Variants in PBRM1 observed in about 807,000 individuals in gnomAD.
PBRM1 encodes the protein polybromo 1, also known as protein polybromo-1.
Under a neutral mutation model 194.5 loss-of-function variants are expected in PBRM1, and 27 were observed. The ratio of observed to expected loss-of-function variants is 0.14; its 90% CI spans 0.10 to 0.19. The LOEUF is 0.19. Among genes scored for constraint, PBRM1 ranks in the 10% least tolerant of loss-of-function variants. The probability of loss-of-function intolerance (pLI) is 1.00; values close to 1 mark genes in which losing one functional copy is unlikely to be tolerated. For synonymous variants in PBRM1, 655 were observed against 693.2 expected (o/e 0.94, Z 0.87); for missense variants, 1,466 against 2,077.2 (o/e 0.71, Z 5.72).
rs574179154 is a variant in PBRM1 at position 52,638,264 on chromosome 3, C to T, written c.1088-3449G>A. Among the ~76,000 whole-genome samples the T allele has an allele frequency of 5.3e-5, 8 of 152,136 alleles. No individual in the cohort carries two copies. In the South Asian group the frequency reaches 1.0e-3, roughly 20 times the overall value. On this transcript the variant is annotated intron_variant, in intron 10 of 29. Transcript: ENST00000296302. The stretch of plus-strand genomic sequence containing the variant: ...TATGTTAGATTCACAGAATGAACTG[C>T]GGAGCTCTTTTTCTATTCTCTGCAT...
At chr3:52,558,064 C>T (rs2082594223) in intron 26 of PBRM1, among the ~76,000 whole-genome samples, 185 bp downstream of exon 28, 3 of 152,174 alleles carry the variant, frequency 2.0e-5, no homozygotes, top group Non-Finnish European at 4.4e-5. Context: ...GCCCAGGGCC[C>T]ATTTCTGGGG....
At chr3:52,684,572 T>G (rs1266523339), upstream of PBRM1, among the ~76,000 whole-genome samples, 1 of 152,252 alleles carries the variant, frequency 6.6e-6, no homozygotes, top group Non-Finnish European at 1.5e-5. Flanking sequence ...TTGGTATTTA[T>G]GCCTTAGTTA....
chr3:52,641,870 T>G (rs1197747917), intron 10 of PBRM1, 84 bp downstream of exon 11: 3 of 867,308 alleles, frequency 3.5e-6, no homozygotes, highest in Non-Finnish European at 6.0e-6. Flanking sequence ...CAGCAAACCC[T>G]AGGCCAGAAA....
At chr3:52,667,153 T>A (rs1321020228) in intron 3 of PBRM1, among the ~76,000 whole-genome samples, 1 of 151,904 alleles carries the variant, frequency 6.6e-6, no homozygotes, top group Non-Finnish European at 1.5e-5. Context: ...AAGACAAAAA[T>A]CAATCCTAGC....
chr3:52,563,455 A>G (rs1416373254), exon 24 of PBRM1: 1 of 1,614,126 alleles, frequency 6.2e-7, no homozygotes, highest in Non-Finnish European at 8.5e-7. Flanking sequence ...CTTCTTTTCC[A>G]GCAAAGGTGA....
rs149032308 is a variant in PBRM1 at position 52,676,361 on chromosome 3, T to C, written c.236+2139A>G. On this transcript the variant is annotated intron_variant, in intron 2 of 29. Transcript: ENST00000296302. ...GACCCAGAGGGAGGTAACTGAATCA[T>C]GGAGGCCAGTCTTTCCCGTGCTATT... Among the ~76,000 whole-genome samples, 624 of 152,274 alleles carry C rather than the reference T, an allele frequency of 4.1e-3. 3 individuals are homozygous for C. Among genetic ancestry groups the C allele is most frequent in the Admixed American group, 7.1e-3 (108 of 15,288 alleles).
At chr3:52,595,173 C>T (rs1170401165) in intron 17 of PBRM1, among the ~76,000 whole-genome samples, 1 of 151,920 alleles carries the variant, frequency 6.6e-6, no homozygotes, top group Non-Finnish European at 1.5e-5. Flanking sequence ...TTCCTTCAAT[C>T]TTTAAAGTTG....
chr3:52,592,132 T>G (rs906608601), intron 17 of PBRM1, among the ~76,000 whole-genome samples: 1 of 149,174 alleles, frequency 6.7e-6, no homozygotes, highest in African/African-American at 2.5e-5. Context: ...GTTTTTTTTT[T>G]TTTTTTTTTT....
intron 16 of PBRM1, among the ~76,000 whole-genome samples, chr3:52,608,016 T>C (rs139549810): frequency 6.6e-6 from 1 of 152,352 alleles, no homozygotes; most frequent in African/African-American, 2.4e-5. Context: ...ACCCTACCTA[T>C]CATCCCATGC....
chr3:52,620,871 T>C (rs188764740), intron 13 of PBRM1, among the ~76,000 whole-genome samples: 3 of 152,214 alleles, frequency 2.0e-5, no homozygotes, highest in Non-Finnish European at 4.4e-5. Flanking sequence ...GAGTCACTTA[T>C]GACCTTCTCT....
intron 17 of PBRM1, among the ~76,000 whole-genome samples, chr3:52,597,383 C>G (rs988729756): frequency 6.6e-6 from 1 of 152,148 alleles, no homozygotes; most frequent in African/African-American, 2.4e-5. Flanking sequence ...TCTCCTAATT[C>G]TCCTATTTCT....
chr3:52,612,041 C>CTT (rs2094644339), intron 15 of PBRM1, among the ~76,000 whole-genome samples: 1 of 151,110 alleles, frequency 6.6e-6, no homozygotes, highest in African/African-American at 2.4e-5. Flanking sequence ...GGGCAGATCA[C>CTT]GAGGTTAGGA....
intron 2 of PBRM1, among the ~76,000 whole-genome samples, chr3:52,670,213 A>G (rs2096919401): frequency 6.6e-6 from 1 of 152,186 alleles, no homozygotes; most frequent in Non-Finnish European, 1.5e-5. Flanking sequence ...CCTCACAAAC[A>G]TTTTTAGAAT....
chr3:52,629,902 T>C (rs561079038), intron 11 of PBRM1, among the ~76,000 whole-genome samples: 19 of 152,320 alleles, frequency 1.2e-4, no homozygotes, highest in African/African-American at 4.6e-4. Context: ...GCATGTAAAG[T>C]TTTATTTAAA....
intron 17 of PBRM1, among the ~76,000 whole-genome samples, chr3:52,596,962 C>A (rs1299273621): frequency 6.6e-6 from 1 of 152,112 alleles, no homozygotes. Flanking sequence ...GACCCCAGAG[C>A]CCTTTAGCAC....
chr3:52,611,222 T>C (rs1231028761), intron 15 of PBRM1, among the ~76,000 whole-genome samples: 1 of 152,170 alleles, frequency 6.6e-6, no homozygotes, highest in Non-Finnish European at 1.5e-5. Flanking sequence ...GCTAATCAAA[T>C]ATTAGATAAG....
At chr3:52,662,824 TA>T (rs34605756) in intron 3 of PBRM1, among the ~76,000 whole-genome samples, 57,859 of 130,486 alleles carry the variant, frequency 0.44, 11,853 homozygotes, top group Admixed American at 0.52. Context: ...GACTCTGTCT[TA>T]AAAAAAAAAA....
At position 52,576,575 on chromosome 3, in the gene PBRM1, A is replaced by G. The variant is rs745879732; in HGVS notation, c.3657T>C (p.Asn1219=). The G allele has an allele frequency of 3.7e-6, 6 of 1,609,348 alleles. No individual in the cohort carries two copies. In the South Asian group the frequency reaches 5.6e-5, roughly 15 times the overall value. ...ATGTCATGGGGCAGGTTTCTTCCAG[A>G]TTACTCAGAAATACTTCTTTTTTGT... The change falls in exon 22 of 30, where the codon AAT becomes AAC. Residue 1219 remains asparagine, a synonymous_variant. Transcript: ENST00000296302.
upstream of PBRM1, among the ~76,000 whole-genome samples, chr3:52,683,529 TAG>T (rs2097251086): frequency 6.6e-6 from 1 of 152,118 alleles, no homozygotes; most frequent in African/African-American, 2.4e-5. Context: ...AAAGTGCACT[TAG>T]GGCCAGGCAC....
Sources: allele counts gnomAD v4.1 joint callset (sites outside exome capture counted in the v4.1 genomes callset), GRCh38; gene constraint gnomAD v4.1.1; transcripts MANE v1.5; gene names NCBI Gene and HGNC (gene_info 2026-07-23, HGNC 2026-07-21).